QKI: variants seen among roughly 807,000 people sequenced by gnomAD.
QKI encodes QKI, KH domain containing RNA binding.
A neutral mutation model predicts 39.0 loss-of-function variants in QKI; 10 were observed. The ratio of observed to expected loss-of-function variants is 0.26; its 90% CI spans 0.16 to 0.43. QKI has a LOEUF of 0.43. Among genes scored for constraint, QKI ranks in the 20% least tolerant of loss-of-function variants. The pLI is 1.00. For missense variants in QKI, 218 were observed against 428.0 expected (o/e 0.51, Z 4.33); for synonymous variants, 204 against 155.4 (o/e 1.31, Z -2.33).
At chr6:163,483,106 A>G (rs550448381) in intron 3 of QKI, among the ~76,000 whole-genome samples, 109 of 152,362 alleles carry the variant, frequency 7.2e-4, no homozygotes, top group Admixed American at 5.1e-3. Flanking sequence ...CCTAGTGCAT[A>G]TAAAAGTTAT....
rs1777664047 is a variant in QKI at position 163,577,836 on chromosome 6, A to G, written c.*7126A>G. ...TCATGCACATTGTGTTCTTATGTTTACAGAAGTGCTTAAGTGAATGGAAGC... is the reference window on the plus strand; with the variant it reads ...TCATGCACATTGTGTTCTTATGTTTGCAGAAGTGCTTAAGTGAATGGAAGC... On this transcript the variant is annotated 3_prime_UTR_variant, in exon 8 of 8. Transcript: ENST00000361752. The G allele has an allele frequency of 6.6e-6, 1 of 152,202 alleles. No individual in the cohort carries two copies. Among genetic ancestry groups the G allele is most frequent in the African/African-American group, 2.4e-5 (1 of 41,472 alleles). The allele number at this position is 152,202 out of a possible 1,614,324, so 9.4% of individuals were successfully genotyped here.
At chr6:163,555,062 C>T (rs995648232) in intron 4 of QKI, among the ~76,000 whole-genome samples, 1 of 152,128 alleles carries the variant, frequency 6.6e-6, no homozygotes, top group East Asian at 1.9e-4. Flanking sequence ...TGTGGTCACT[C>T]ATCATTTTTT....
chr6:163,452,460 C>T (rs1037832014), intron 1 of QKI, among the ~76,000 whole-genome samples: 4 of 152,290 alleles, frequency 2.6e-5, no homozygotes, highest in Non-Finnish European at 5.9e-5. Flanking sequence ...AGAGCTGGAA[C>T]CATGACTTGT....
rs534746803 is a variant in QKI at position 163,549,974 on chromosome 6, A to G, written c.547-12008A>G. Among the ~76,000 whole-genome samples, 93 of 152,330 alleles carry G rather than the reference A, an allele frequency of 6.1e-4. 2 individuals carry two copies. The South Asian group carries it at 0.011, about 17-fold the overall frequency. On this transcript the variant is annotated intron_variant, in intron 4 of 7. Coordinates refer to ENST00000361752, the MANE Select transcript of QKI (RefSeq NM_006775.3). ...ATTGTATACTTTTCAGAGTTAAACT[A>G]TGCAATCTGTTCTTCAGTAAATGAA...
chr6:163,415,826 C>G (rs975390774), intron 1 of QKI: 6 of 465,688 alleles, frequency 1.3e-5, no homozygotes, highest in Non-Finnish European at 2.1e-5. Flanking sequence ...GGGAGCTCTC[C>G]CCTCCCGTGA....
intron 1 of QKI, among the ~76,000 whole-genome samples, chr6:163,431,555 T>C (rs1015885180): frequency 2.6e-5 from 4 of 152,140 alleles, no homozygotes; most frequent in African/African-American, 9.6e-5. Context: ...TAGTAAATTT[T>C]GGAAAGAAAA....
chr6:163,472,574 A>G (rs988273522), intron 2 of QKI, among the ~76,000 whole-genome samples: 1 of 152,240 alleles, frequency 6.6e-6, no homozygotes, highest in African/African-American at 2.4e-5. Flanking sequence ...TAATCACACC[A>G]GACTTTGCAT....
At chr6:163,472,142 G>T (rs1342639485) in intron 2 of QKI, among the ~76,000 whole-genome samples, 1 of 152,056 alleles carries the variant, frequency 6.6e-6, no homozygotes, top group East Asian at 1.9e-4. Context: ...TCGACTGGAA[G>T]CCTTACCGAT....
At chr6:163,546,054 A>G (rs1781850334) in intron 4 of QKI, among the ~76,000 whole-genome samples, 1 of 148,510 alleles carries the variant, frequency 6.7e-6, no homozygotes. Flanking sequence ...ATAAAATATT[A>G]ATATTTATGT....
chr6:163,564,862 C>A, intron 6 of QKI: 1 of 1,415,672 alleles, frequency 7.1e-7, no homozygotes. Context: ...TGCATGCATG[C>A]TGTTGACTTT....
chr6:163,550,990 C>A (rs73246662), intron 4 of QKI, among the ~76,000 whole-genome samples: 7,244 of 150,366 alleles, frequency 0.048, 592 homozygotes, highest in African/African-American at 0.17. Context: ...ACAGGGGCAT[C>A]GATCAAATTT....
At chr6:163,544,231 T>C (rs1430777015) in intron 4 of QKI, among the ~76,000 whole-genome samples, 2 of 152,028 alleles carry the variant, frequency 1.3e-5, no homozygotes, top group African/African-American at 4.8e-5. Context: ...TGAAGTGATA[T>C]GTGGGCGTTG....
At chr6:163,478,628 C>A in intron 2 of QKI, 152 bp from the exon 3 acceptor site, 1 of 596,050 alleles carries the variant, frequency 1.7e-6, no homozygotes, top group Non-Finnish European at 3.0e-6. Flanking sequence ...TGAGACTTAG[C>A]AAGAAATTCA....
intron 2 of QKI, among the ~76,000 whole-genome samples, chr6:163,466,771 T>C (rs1272922289): frequency 6.6e-6 from 1 of 151,992 alleles, no homozygotes; most frequent in South Asian, 2.1e-4. Flanking sequence ...ATAAAACATG[T>C]AGGAAAAAAC....
chr6:163,568,013 T>C (rs1249634617), intron 7 of QKI: 5 of 985,372 alleles, frequency 5.1e-6, no homozygotes, highest in Non-Finnish European at 6.0e-6. Flanking sequence ...TTTAAACTAA[T>C]GTATTCATCA....
chr6:163,433,690 C>T (rs1471710586), intron 1 of QKI, among the ~76,000 whole-genome samples: 1 of 152,060 alleles, frequency 6.6e-6, no homozygotes, highest in Non-Finnish European at 1.5e-5. Context: ...TCGCTTGAAC[C>T]TGGGAGGCAG....
chr6:163,482,582 G>A (rs1426969534), intron 3 of QKI, among the ~76,000 whole-genome samples: 1 of 142,384 alleles, frequency 7.0e-6, no homozygotes, highest in Non-Finnish European at 1.6e-5. Context: ...TCCCTCGTCG[G>A]GTTCAATTAA....
intron 3 of QKI, among the ~76,000 whole-genome samples, chr6:163,512,357 A>G (rs1779535625): frequency 6.6e-6 from 1 of 152,060 alleles, no homozygotes; most frequent in African/African-American, 2.4e-5. Context: ...GTAAAACAAA[A>G]TAAAAGGCAT....
intron 4 of QKI, among the ~76,000 whole-genome samples, chr6:163,536,178 A>T (rs1781194022): frequency 6.6e-6 from 1 of 152,098 alleles, no homozygotes; most frequent in Non-Finnish European, 1.5e-5. Flanking sequence ...TATTTTTTTT[A>T]ATGATCAGGT....
Sources: gnomAD v4.1 joint callset for allele counts (sites outside exome capture counted in the v4.1 genomes callset) on GRCh38, gnomAD v4.1.1 for gene constraint, MANE v1.5 for transcripts, NCBI Gene and HGNC (gene_info 2026-07-23, HGNC 2026-07-21) for gene names.